The following RALYL variants were observed in gnomAD, a reference collection of about 807,000 sequenced individuals.
The protein encoded by RALYL is RALY RNA binding protein like.
In RALYL, 29 loss-of-function variants were observed where a neutral mutation model predicts 35.1. That is an observed-to-expected ratio of 0.83 (90% CI 0.61 to 1.13). The LOEUF is 1.13. Ranked by LOEUF, RALYL falls within the 50% of genes most tolerant of loss-of-function variation. The pLI is 0.00. For synonymous variants in RALYL, 120 were observed against 127.6 expected (o/e 0.94, Z 0.40); for missense variants, 359 against 360.4 (o/e 1.00, Z 0.03).
chr8:84,821,086 T>C (rs181670157), intron 4 of RALYL, among the ~76,000 whole-genome samples: 2 of 152,334 alleles, frequency 1.3e-5, no homozygotes, highest in Admixed American at 1.3e-4. Context: ...TGAAGAGAAC[T>C]CATTTCTCTT....
At chr8:84,274,335 A>C (rs1236894003) in intron 1 of RALYL, among the ~76,000 whole-genome samples, 1 of 152,092 alleles carries the variant, frequency 6.6e-6, no homozygotes, top group Non-Finnish European at 1.5e-5. Context: ...AATGACTTTT[A>C]TTAAACACAA....
chr8:84,410,960 G>A (rs1350823866), intron 1 of RALYL, among the ~76,000 whole-genome samples: 6 of 151,656 alleles, frequency 4.0e-5, no homozygotes, highest in Non-Finnish European at 7.4e-5. Flanking sequence ...CCTTTTCACT[G>A]AAAGTAGGAA....
intron 1 of RALYL, among the ~76,000 whole-genome samples, chr8:84,307,918 G>A (rs1364607162): frequency 1.3e-5 from 2 of 152,086 alleles, no homozygotes; most frequent in African/African-American, 4.8e-5. Context: ...TGTAATTTCA[G>A]GAAGTAGCTG....
intron 1 of RALYL, among the ~76,000 whole-genome samples, chr8:84,224,316 G>T (rs1273993337): frequency 6.6e-6 from 1 of 152,186 alleles, no homozygotes; most frequent in Non-Finnish European, 1.5e-5. Flanking sequence ...TCTCAAAAAG[G>T]TGGATGGTGT....
chr8:84,811,698 C>A (rs950098089), intron 4 of RALYL, among the ~76,000 whole-genome samples: 2 of 152,112 alleles, frequency 1.3e-5, no homozygotes, highest in Admixed American at 6.5e-5. Flanking sequence ...TTCTTAGAGG[C>A]TTTGTTCATA....
chr8:84,252,330 A>G (rs1375789858), intron 1 of RALYL, among the ~76,000 whole-genome samples: 2 of 152,134 alleles, frequency 1.3e-5, no homozygotes, highest in East Asian at 1.9e-4. Flanking sequence ...TGAAGATATT[A>G]TATCAGAAAT....
At chr8:84,191,850 T>G (rs1023686400) in intron 1 of RALYL, among the ~76,000 whole-genome samples, 4 of 152,218 alleles carry the variant, frequency 2.6e-5, no homozygotes, top group Admixed American at 1.3e-4. Context: ...GAGGGACAGC[T>G]TTTTACAAAA....
At chr8:84,878,505 A>G (rs1490724309) in intron 7 of RALYL, among the ~76,000 whole-genome samples, 1 of 152,104 alleles carries the variant, frequency 6.6e-6, no homozygotes, top group East Asian at 1.9e-4. Context: ...ATGTGAACAA[A>G]CAAGAATCAC....
chr8:84,378,182 CCTTCTTAATTCTCTG>C (rs1857294861), intron 1 of RALYL, among the ~76,000 whole-genome samples: 1 of 151,860 alleles, frequency 6.6e-6, no homozygotes, highest in Non-Finnish European at 1.5e-5. Context: ...TCCGTTTATG[CCTTCTTAATTCTCTG>C]CAAACTATAA....
intron 1 of RALYL, among the ~76,000 whole-genome samples, chr8:84,281,950 T>C (rs1836658543): frequency 1.3e-5 from 2 of 152,142 alleles, no homozygotes; most frequent in Non-Finnish European, 2.9e-5. Flanking sequence ...TTCATGTTGA[T>C]GCTACTCTTC....
In RALYL at chr8:84,297,288, T is replaced by C. The variant is rs191183887; in HGVS notation, c.-24+112864T>C. On this transcript the variant is annotated intron_variant, in intron 1 of 8. Transcript: ENST00000521268. ...GTACTCAATATTTGGTTCCCACTTA[T>C]AAGTGAGAATATGTGGTATTTAGTT... is the stretch of plus-strand genomic sequence containing the variant. 8.3e-4 allele frequency among the ~76,000 whole-genome samples: 127 copies of C among 152,222 alleles called. 1 individual carries two copies. In the Middle Eastern group the frequency reaches 0.017, roughly 20 times the overall value.
intron 2 of RALYL, among the ~76,000 whole-genome samples, chr8:84,691,339 A>G (rs745326534): frequency 1.6e-4 from 24 of 152,050 alleles, no homozygotes; most frequent in Admixed American, 1.3e-4. Context: ...CACTCTTGAG[A>G]TAGAATCTAG....
At chr8:84,725,855 T>C (rs898341722) in intron 2 of RALYL, among the ~76,000 whole-genome samples, 3 of 151,716 alleles carry the variant, frequency 2.0e-5, no homozygotes, top group African/African-American at 7.2e-5. Context: ...TGGATATTTT[T>C]CTGGATGTAT....
chr8:84,636,244 T>C (rs1825035031), intron 2 of RALYL, among the ~76,000 whole-genome samples: 1 of 151,792 alleles, frequency 6.6e-6, no homozygotes, highest in South Asian at 2.1e-4. Flanking sequence ...TGCTCTGAAA[T>C]GTCTTATATC....
chr8:84,473,291 A>G (rs1329970590), intron 1 of RALYL, among the ~76,000 whole-genome samples: 2 of 151,758 alleles, frequency 1.3e-5, no homozygotes, highest in Non-Finnish European at 2.9e-5. Context: ...TAATTTAGTT[A>G]GGCAATAATA....
At chr8:84,252,040 T>C (rs1431296033) in intron 1 of RALYL, among the ~76,000 whole-genome samples, 1 of 152,114 alleles carries the variant, frequency 6.6e-6, no homozygotes, top group East Asian at 1.9e-4. Context: ...TCTGTACTCT[T>C]TACTTCCCCT....
intron 1 of RALYL, among the ~76,000 whole-genome samples, chr8:84,301,752 G>C (rs150755105): frequency 6.6e-6 from 1 of 151,842 alleles, no homozygotes; most frequent in African/African-American, 2.4e-5. Context: ...ATATTATTTA[G>C]TGCATTATAA....
intron 2 of RALYL, among the ~76,000 whole-genome samples, chr8:84,654,283 AT>A (rs1829486665): frequency 1.1e-5 from 1 of 93,818 alleles, no homozygotes; most frequent in Non-Finnish European, 2.0e-5. Flanking sequence ...ATATATATAT[AT>A]ATATATATAT....
intron 1 of RALYL, among the ~76,000 whole-genome samples, chr8:84,241,159 C>A: frequency 6.6e-6 from 1 of 152,154 alleles, no homozygotes; most frequent in East Asian, 1.9e-4. Context: ...TGTGCACACA[C>A]ACAAGTACCT....
Sources: gnomAD v4.1 joint callset for allele counts (sites outside exome capture counted in the v4.1 genomes callset) on GRCh38, gnomAD v4.1.1 for gene constraint, MANE v1.5 for transcripts, NCBI Gene and HGNC (gene_info 2026-07-23, HGNC 2026-07-21) for gene names.